The following EIF4EBP2 variants were observed in gnomAD, a reference collection of about 807,000 sequenced individuals.
EIF4EBP2 encodes eukaryotic translation initiation factor 4E-binding protein 2.
EIF4EBP2 carries 5 observed loss-of-function variants against 10.3 expected under a neutral mutation model. The observed-to-expected ratio is 0.48, with a 90% CI of 0.25 to 1.02. The LOEUF (loss-of-function observed/expected upper bound fraction) is 1.02, where lower values mean the gene tolerates loss of function less well. Among genes scored for constraint, EIF4EBP2 ranks in the 50% least tolerant of loss-of-function variants. The pLI, the probability that EIF4EBP2 is intolerant of heterozygous loss-of-function variation, is 0.15. For synonymous variants in EIF4EBP2, 67 were observed against 61.1 expected (o/e 1.10, Z -0.45); for missense variants, 188 against 162.2 (o/e 1.16, Z -0.86).
rs1357828491 is a variant in EIF4EBP2, at chr10:70,425,006, T to C, written c.*3259T>C. 3.3e-5 allele frequency: 5 copies of C among 152,252 alleles called. No individual in the cohort carries two copies. The East Asian group carries it at 9.6e-4, about 29-fold the overall frequency. 9.4% of individuals were successfully genotyped at this position (152,252 alleles called of 1,614,324 possible). On this transcript the variant is annotated 3_prime_UTR_variant, in exon 3 of 3. Transcript: ENST00000373218. ...TGTCAGTTTCTGTGGGTTAAGAATT[T>C]GGGAGTAGTTTAACATGATGGTTCT...
intron 1 of EIF4EBP2, among the ~76,000 whole-genome samples, chr10:70,406,775 C>G (rs1279742297): frequency 6.6e-6 from 1 of 152,204 alleles, no homozygotes; most frequent in African/African-American, 2.4e-5. Context: ...TAACTTCCCC[C>G]GACATTGTTT....
At position 70,404,399 on chromosome 10, in the gene EIF4EBP2, G is replaced by C. The variant is rs144374688; in HGVS notation, c.-3G>C. ...ACAAAGCCGAGAGCCCGCGCCCACA[G>C]CCATGTCCTCGTCAGCCGGCAGCGG... is the stretch of plus-strand genomic sequence containing the variant. On this transcript the variant is annotated 5_prime_UTR_variant, in exon 1 of 3. Coordinates refer to ENST00000373218, the MANE Select transcript of EIF4EBP2 (RefSeq NM_004096.5). 1.3e-6 allele frequency: 2 copies of C among 1,576,758 alleles called. No individual in the cohort carries two copies. The highest frequency in any genetic ancestry group is 1.7e-6 in the Non-Finnish European group (2 of 1,164,434).
chr10:70,416,365 G>A (rs1845094680), intron 1 of EIF4EBP2, among the ~76,000 whole-genome samples: 1 of 152,104 alleles, frequency 6.6e-6, no homozygotes, highest in Admixed American at 6.6e-5. Context: ...CAGATCACGA[G>A]GTCAAGAGAT....
chr10:70,420,579 C>G (rs938880129), intron 2 of EIF4EBP2, among the ~76,000 whole-genome samples: 4 of 152,122 alleles, frequency 2.6e-5, no homozygotes, highest in Admixed American at 2.0e-4. Flanking sequence ...TTGAAATACT[C>G]TGAAAACCCT....
At chr10:70,413,628 A>AG (rs1845065250) in intron 1 of EIF4EBP2, among the ~76,000 whole-genome samples, 1 of 151,822 alleles carries the variant, frequency 6.6e-6, no homozygotes. Context: ...AAAAAAAAAA[A>AG]AAAGAAATCA....
In EIF4EBP2 at chr10:70,423,465, G is replaced by C. The variant is rs568190495; in HGVS notation, c.*1718G>C. On this transcript the variant is annotated 3_prime_UTR_variant, in exon 3 of 3. Coordinates refer to ENST00000373218, the MANE Select transcript of EIF4EBP2 (RefSeq NM_004096.5). ...GGCTGTTGAGCAGCATAATAATCCCGGGAGAATGATTCCCCTCATAGAAAG... is the reference window on the plus strand; with the variant it reads ...GGCTGTTGAGCAGCATAATAATCCCCGGAGAATGATTCCCCTCATAGAAAG... 1 of 152,512 alleles carries C rather than the reference G, an allele frequency of 6.6e-6. No individual in the cohort carries two copies. Among genetic ancestry groups the C allele is most frequent in the Non-Finnish European group, 1.5e-5 (1 of 68,018 alleles). The allele number at this position is 152,512 out of a possible 1,614,324, so 9.4% of individuals were successfully genotyped here.
rs35260368 is a variant in EIF4EBP2 at position 70,407,116 on chromosome 10, CT to C, written c.145+2581del. Reference sequence around the variant, plus strand: ...GTTTCACCATGTTAGCCAGGATGGTCTTTTTTTTTTTGTTGTTGTTGATCAT... The same window carrying C: ...GTTTCACCATGTTAGCCAGGATGGTCTTTTTTTTTTGTTGTTGTTGATCAT... On this transcript the variant is annotated intron_variant, in intron 1 of 2. Transcript: ENST00000373218. 6.7e-4 allele frequency among the ~76,000 whole-genome samples: 91 copies of C among 136,770 alleles called. 2 individuals are homozygous for C. Among genetic ancestry groups the C allele is most frequent in the African/African-American group, 1.9e-3 (70 of 37,244 alleles). The allele number at this position is 136,770 out of a possible 152,430, so 89.7% of individuals were successfully genotyped here.
intron 1 of EIF4EBP2, 113 bp downstream of exon 1, chr10:70,404,659 G>A (rs1844949985): frequency 7.6e-7 from 1 of 1,321,288 alleles, no homozygotes; most frequent in Non-Finnish European, 9.8e-7. Context: ...CCGAAGCCCC[G>A]GGGACGCTGC....
At chr10:70,407,215 A>G (rs1844975898) in intron 1 of EIF4EBP2, among the ~76,000 whole-genome samples, 1 of 151,846 alleles carries the variant, frequency 6.6e-6, no homozygotes. Flanking sequence ...CAGCAGATAA[A>G]CAAGTGAACA....
intron 1 of EIF4EBP2, among the ~76,000 whole-genome samples, chr10:70,406,134 C>T (rs769454993): frequency 2.6e-5 from 4 of 152,156 alleles, no homozygotes; most frequent in Non-Finnish European, 4.4e-5. Context: ...GCACGTGCCA[C>T]CACGCCTGGC....
intron 1 of EIF4EBP2, among the ~76,000 whole-genome samples, chr10:70,416,465 G>C (rs1382803334): frequency 1.3e-5 from 2 of 151,654 alleles, no homozygotes; most frequent in African/African-American, 4.8e-5. Flanking sequence ...TGTAGTCCCA[G>C]GTACTTGGGA....
intron 1 of EIF4EBP2, among the ~76,000 whole-genome samples, chr10:70,406,268 CG>C (rs1005415451): frequency 2.0e-5 from 3 of 152,198 alleles, no homozygotes; most frequent in Admixed American, 6.5e-5. Context: ...CCACTGCACC[CG>C]GCCAAGATCT....
chr10:70,404,834 C>T (rs773899421), intron 1 of EIF4EBP2, among the ~76,000 whole-genome samples: 16 of 152,258 alleles, frequency 1.1e-4, no homozygotes, highest in Non-Finnish European at 1.9e-4. Flanking sequence ...TTCTCTCTCT[C>T]CTCTCTGCCT....
rs138826945 is a variant in EIF4EBP2 at position 70,413,380 on chromosome 10, CTT to C, written c.146-6532_146-6531del. Among the ~76,000 whole-genome samples the C allele has an allele frequency of 2.7e-3, 417 of 152,196 alleles. 11 individuals are homozygous for C. The East Asian group carries it at 0.058, about 21-fold the overall frequency. On this transcript the variant is annotated intron_variant, in intron 1 of 2. Coordinates refer to ENST00000373218, the MANE Select transcript of EIF4EBP2 (RefSeq NM_004096.5). ...GTGGCGTACACCTATAATCCCAACA[CTT>C]TGTGAGGCCAAGGCAGGAGAATCGC...
chr10:70,418,901 G>A (rs149078932), intron 1 of EIF4EBP2, among the ~76,000 whole-genome samples: 3 of 152,204 alleles, frequency 2.0e-5, no homozygotes, highest in Admixed American at 6.5e-5. Context: ...CTGTAGCCTC[G>A]AACTCCTGGA....
At chr10:70,407,931 C>T (rs1397207799) in intron 1 of EIF4EBP2, among the ~76,000 whole-genome samples, 7 of 109,252 alleles carry the variant, frequency 6.4e-5, no homozygotes, top group African/African-American at 1.9e-4. Flanking sequence ...TAGGAGCGGC[C>T]GGGCAGAGGC....
chr10:70,416,935 TTACAGG>T (rs1306756066), intron 1 of EIF4EBP2, among the ~76,000 whole-genome samples: 1 of 152,168 alleles, frequency 6.6e-6, no homozygotes, highest in African/African-American at 2.4e-5. Flanking sequence ...AGTGCTGGGA[TTACAGG>T]TGTGAGCCAT....
chr10:70,410,027 A>G (rs888394134), intron 1 of EIF4EBP2, among the ~76,000 whole-genome samples: 9 of 152,184 alleles, frequency 5.9e-5, no homozygotes, highest in African/African-American at 2.2e-4. Flanking sequence ...AAAGTGAACT[A>G]TACCAAAATA....
Position 70,420,025 on chromosome 10 carries a change from C to A in EIF4EBP2, c.257C>A (p.Thr86Asn). The A allele has an allele frequency of 6.2e-7, 1 of 1,613,330 alleles. No homozygotes were observed. The highest frequency in any genetic ancestry group is 1.1e-5 in the South Asian group (1 of 90,880). The stretch of plus-strand genomic sequence containing the variant: ...ATCCCAGGAGTCACTAGCCCTGGCA[C>A]CTTAATTGAAGACTCCAAAGTAGAA... ...PNIPGVTSPGTLIEDSKVEVN... is the reference protein window; with the variant it reads ...PNIPGVTSPGNLIEDSKVEVN... The change falls in exon 2 of 3, where the codon ACC becomes AAC. Residue 86 changes from threonine (T) to asparagine (N), a missense_variant. Transcript: ENST00000373218.
Sources: allele counts gnomAD v4.1 joint callset (sites outside exome capture counted in the v4.1 genomes callset), GRCh38; gene constraint gnomAD v4.1.1; transcripts MANE v1.5; gene names NCBI Gene and HGNC (gene_info 2026-07-23, HGNC 2026-07-21).